The following BCR variants were observed in gnomAD, a reference collection of about 807,000 sequenced individuals.
BCR encodes BCR activator of RhoGEF and GTPase.
BCR carries 58 observed loss-of-function variants against 138.6 expected under a neutral mutation model. The ratio of observed to expected loss-of-function variants is 0.42; its 90% CI spans 0.34 to 0.52. The LOEUF is 0.52. BCR is among the 20% of genes least tolerant of loss of function. BCR has a pLI of 0.06. For missense variants in BCR, 1,599 were observed against 1,727.2 expected (o/e 0.93, Z 1.32); for synonymous variants, 786 against 730.1 (o/e 1.08, Z -1.23).
At chr22:23,208,668 C>T (rs1198412550) in intron 1 of BCR, among the ~76,000 whole-genome samples, 4 of 152,076 alleles carry the variant, frequency 2.6e-5, no homozygotes, top group South Asian at 2.1e-4. Flanking sequence ...GTCTGGCCAA[C>T]GTGGTGAAAC....
chr22:23,234,448 G>C (rs940545052), intron 1 of BCR, among the ~76,000 whole-genome samples: 3 of 152,224 alleles, frequency 2.0e-5, no homozygotes, highest in Admixed American at 1.3e-4. Flanking sequence ...GTCCTAAGGA[G>C]CTTATGAGAA....
chr22:23,183,235 G>C (rs1464571330), intron 1 of BCR, among the ~76,000 whole-genome samples: 1 of 152,204 alleles, frequency 6.6e-6, no homozygotes, highest in Admixed American at 6.5e-5. Context: ...GAAAGGGTGG[G>C]CTGGGGTGTG....
intron 16 of BCR, among the ~76,000 whole-genome samples, chr22:23,304,104 T>C: frequency 1.9e-5 from 1 of 52,944 alleles, no homozygotes; most frequent in Non-Finnish European, 3.8e-5. Context: ...AGGCTATTTT[T>C]TTTTTTTTTT....
At chr22:23,219,047 C>T (rs548451217) in intron 1 of BCR, among the ~76,000 whole-genome samples, 5 of 152,312 alleles carry the variant, frequency 3.3e-5, no homozygotes, top group Admixed American at 2.6e-4. Context: ...CCTGCCATGC[C>T]GCTGCCCTAA....
intron 1 of BCR, among the ~76,000 whole-genome samples, chr22:23,243,883 C>T (rs148318552): frequency 2.0e-5 from 3 of 152,082 alleles, no homozygotes; most frequent in African/African-American, 7.2e-5. Context: ...CCTTGTGATC[C>T]GCCTGCCTCA....
intron 1 of BCR, among the ~76,000 whole-genome samples, chr22:23,186,700 A>G (rs930632471): frequency 3.9e-5 from 6 of 151,966 alleles, no homozygotes; most frequent in African/African-American, 1.5e-4. Flanking sequence ...ATGTTCATCC[A>G]TGTGATGGCA....
intron 1 of BCR, among the ~76,000 whole-genome samples, chr22:23,240,366 C>T (rs1289357742): frequency 1.4e-5 from 2 of 145,390 alleles, no homozygotes; most frequent in Admixed American, 6.9e-5. Context: ...TGAAAATATA[C>T]ATAGGCCGGG....
Position 23,181,844 on chromosome 22 carries a change from C to G in BCR, c.884C>G (p.Pro295Arg). ...GGMMEGEGKGPLLRSQSTSEQ... is the reference protein window; with the variant it reads ...GGMMEGEGKGRLLRSQSTSEQ... Reference sequence around the variant, plus strand: ...ATGATGGAAGGGGAGGGCAAGGGCCCGCTCCTGCGCAGCCAGAGCACCTCT... The same window carrying G: ...ATGATGGAAGGGGAGGGCAAGGGCCGGCTCCTGCGCAGCCAGAGCACCTCT... Residue 295 changes from proline (P) to arginine (R), a missense_variant, in exon 1 of 23, where the codon CCG becomes CGG. Physicochemically the swap from Pro to Arg is moderately radical, Grantham distance 103. This residue lies in a region of BCR where 806 missense variants were observed against 635.0 expected (regional missense o/e 1.27). Coordinates refer to ENST00000305877, the MANE Select transcript of BCR (RefSeq NM_004327.4). The G allele has an allele frequency of 1.2e-6, 2 of 1,612,232 alleles. No individual in the cohort carries two copies. Among genetic ancestry groups the G allele is most frequent in the South Asian group, 1.1e-5 (1 of 91,078 alleles).
rs1035545891 is a variant in BCR, at chr22:23,276,761, C to T, written c.2115+2987C>T. 1.2e-4 allele frequency among the ~76,000 whole-genome samples: 18 copies of T among 152,110 alleles called. 1 individual carries two copies. Among genetic ancestry groups the T allele is most frequent in the Middle Eastern group, 3.4e-3 (1 of 292 alleles). ...GGACATCCACCTCGGTATCCCCTGGCACTGCCCAACGGGTTTGCAGTCCTT... is the reference window on the plus strand; with the variant it reads ...GGACATCCACCTCGGTATCCCCTGGTACTGCCCAACGGGTTTGCAGTCCTT... On this transcript the variant is annotated intron_variant, in intron 8 of 22. Coordinates refer to ENST00000305877, the MANE Select transcript of BCR (RefSeq NM_004327.4).
chr22:23,227,409 C>A (rs770119236), intron 1 of BCR, among the ~76,000 whole-genome samples: 32 of 152,334 alleles, frequency 2.1e-4, no homozygotes, highest in Non-Finnish European at 4.0e-4. Context: ...TGTGGTCCAG[C>A]CCTCTGCACA....
intron 1 of BCR, among the ~76,000 whole-genome samples, chr22:23,223,518 T>G (rs962517892): frequency 6.6e-6 from 1 of 152,160 alleles, no homozygotes; most frequent in East Asian, 1.9e-4. Flanking sequence ...TCCAAAGCCC[T>G]GTGTGCACAG....
chr22:23,233,712 C>T (rs548077603), intron 1 of BCR, among the ~76,000 whole-genome samples: 1 of 151,744 alleles, frequency 6.6e-6, no homozygotes, highest in South Asian at 2.1e-4. Context: ...ATCGCTTGAA[C>T]CCAGGAGTCG....
At chr22:23,188,690 G>A (rs998907180) in intron 1 of BCR, among the ~76,000 whole-genome samples, 1 of 152,132 alleles carries the variant, frequency 6.6e-6, no homozygotes, top group Admixed American at 6.5e-5. Flanking sequence ...CGGGGTGGTG[G>A]TGGATTAAAT....
chr22:23,288,049 C>T lies in BCR; in HGVS notation c.2527-48C>T, dbSNP rs142932576. On this transcript the variant is annotated intron_variant, in intron 11 of 22. Coordinates refer to ENST00000305877, the MANE Select transcript of BCR (RefSeq NM_004327.4). The stretch of plus-strand genomic sequence containing the variant: ...GTGCCCCGGGCCTACCAGGCATTTG[C>T]GTAGCCAGGGCGGAGATAACTGGGT... 60 of 1,579,724 alleles carry T rather than the reference C, an allele frequency of 3.8e-5. No homozygotes were observed. The African/African-American group carries it at 5.1e-4, about 13-fold the overall frequency.
At chr22:23,261,571 C>T in intron 4 of BCR, 31 bp downstream of exon 4, 1 of 1,603,000 alleles carries the variant, frequency 6.2e-7, no homozygotes, top group Non-Finnish European at 8.5e-7. Context: ...GCTGGGACTA[C>T]AGGCGTGTAC....
At chr22:23,260,520 C>T (rs1207057558) in intron 2 of BCR, among the ~76,000 whole-genome samples, 1 of 152,134 alleles carries the variant, frequency 6.6e-6, no homozygotes, top group East Asian at 1.9e-4. Flanking sequence ...CCCAGGTGAG[C>T]AGTGGGGAGT....
chr22:23,254,091 G>A, intron 2 of BCR, 111 bp downstream of exon 2: 1 of 1,284,220 alleles, frequency 7.8e-7, no homozygotes, highest in Non-Finnish European at 1.0e-6. Flanking sequence ...CAATGGTTTG[G>A]AAGCGAGTGG....
intron 1 of BCR, among the ~76,000 whole-genome samples, chr22:23,252,718 A>G (rs1210898597): frequency 6.6e-6 from 1 of 152,150 alleles, no homozygotes; most frequent in African/African-American, 2.4e-5. Flanking sequence ...GGCATGAGCC[A>G]CTGTGCCCAG....
At position 23,294,752 on chromosome 22, in the gene BCR, A is replaced by C. The variant is rs76129688; in HGVS notation, c.2881-272A>C. 9.0e-3 allele frequency among the ~76,000 whole-genome samples: 1,364 copies of C among 152,272 alleles called. 18 individuals carry two copies. The highest frequency in any genetic ancestry group is 0.031 in the African/African-American group (1,302 of 41,536). On this transcript the variant is annotated intron_variant, in intron 15 of 22. Coordinates refer to ENST00000305877, the MANE Select transcript of BCR (RefSeq NM_004327.4). ...CGATTGTGAGGCAGGTGGTGTGGGGATCACCCTTTGAGATGCTGGTGTAAG... is the reference window on the plus strand; with the variant it reads ...CGATTGTGAGGCAGGTGGTGTGGGGCTCACCCTTTGAGATGCTGGTGTAAG...
Sources: gnomAD v4.1 joint callset for allele counts (sites outside exome capture counted in the v4.1 genomes callset) on GRCh38, gnomAD v4.1.1 for gene constraint, gnomAD v4.1.1 regional missense constraint, MANE v1.5 for transcripts, NCBI Gene and HGNC (gene_info 2026-07-23, HGNC 2026-07-21) for gene names.